The following ANKIB1 variants were observed in gnomAD, a reference collection of about 807,000 sequenced individuals.
ANKIB1 encodes the protein ankyrin repeat and IBR domain-containing protein 1.
Under a neutral mutation model 122.1 loss-of-function variants are expected in ANKIB1, and 43 were observed. That is an observed-to-expected ratio of 0.35 (90% confidence interval 0.28 to 0.45). The LOEUF is 0.45. Ranked by LOEUF, ANKIB1 falls within the 20% of genes least tolerant of loss-of-function variation. The pLI is 1.00. For synonymous variants in ANKIB1, 390 were observed against 442.0 expected (o/e 0.88, Z 1.48); for missense variants, 992 against 1,329.5 (o/e 0.75, Z 3.95).
In ANKIB1 at chr7:92,398,961, C is replaced by T; in HGVS notation, c.*12C>T. 6.5e-7 allele frequency: 1 copy of T among 1,533,262 alleles called. No individual in the cohort carries two copies. Among genetic ancestry groups the T allele is most frequent in the Non-Finnish European group, 8.8e-7 (1 of 1,140,788 alleles). 95.0% of individuals were successfully genotyped at this position (1,533,262 alleles called of 1,614,324 possible). A position where few individuals can be genotyped will look rare whatever the true frequency, so the allele number is the denominator to read the frequency against. ...TACATTTAGTGTGAACTGCACACAT[C>T]TGGGCTCTAAATGAATTACAGGTAC... On this transcript the variant is annotated 3_prime_UTR_variant, in exon 20 of 20. Coordinates refer to ENST00000265742, the MANE Select transcript of ANKIB1 (RefSeq NM_019004.2).
chr7:92,288,803 C>T (rs1469926204), intron 1 of ANKIB1, among the ~76,000 whole-genome samples: 3 of 151,712 alleles, frequency 2.0e-5, no homozygotes, highest in Non-Finnish European at 2.9e-5. Context: ...AAATGAAAAC[C>T]GTTGTACAAT....
chr7:92,269,542 G>C (rs1000387816), intron 1 of ANKIB1, among the ~76,000 whole-genome samples: 8 of 152,140 alleles, frequency 5.3e-5, no homozygotes, highest in Non-Finnish European at 1.0e-4. Flanking sequence ...TTTTAAGAAA[G>C]CTCTGTAAGG....
chr7:92,307,489 A>G lies in ANKIB1; in HGVS notation c.319A>G (p.Thr107Ala), dbSNP rs1158045086. Residue 107 changes from threonine to alanine, a missense_variant, in exon 3 of 20, where the codon ACA becomes GCA. Physicochemically the swap from Thr to Ala is moderately conservative, Grantham distance 58. Transcript: ENST00000265742. ...GALHPRLARP[T>A]EDDFRRADCL... ...CCTTCATCCTCGCTTGGCACGCCCC[A>G]CAGAAGATGATTTCAGAAGAGCAGA... The G allele has an allele frequency of 2.5e-6, 4 of 1,613,840 alleles. No homozygotes were observed. The highest frequency in any genetic ancestry group is 3.3e-5 in the Admixed American group (2 of 60,000).
At chr7:92,397,098 A>C (rs1037889408) in intron 18 of ANKIB1, among the ~76,000 whole-genome samples, 2 of 152,346 alleles carry the variant, frequency 1.3e-5, no homozygotes, top group African/African-American at 4.8e-5. Flanking sequence ...AAATCTAAAA[A>C]TGAAAAACGT....
rs193077864 is a variant in ANKIB1 at position 92,269,674 on chromosome 7, G to T, written c.-91+23155G>T. Reference sequence around the variant, plus strand: ...CTTGATTCATTGATACCTTCCAAGGGGTTAGCAGGCATCACCTAAAATATA... The same window carrying T: ...CTTGATTCATTGATACCTTCCAAGGTGTTAGCAGGCATCACCTAAAATATA... On this transcript the variant is annotated intron_variant, in intron 1 of 19. Transcript: ENST00000265742. Among the ~76,000 whole-genome samples, 846 of 152,090 alleles carry T rather than the reference G, an allele frequency of 5.6e-3. 7 individuals are homozygous for T. The highest frequency in any genetic ancestry group is 8.6e-3 in the Non-Finnish European group (587 of 67,980).
chr7:92,354,333 A>G (rs1013242130), intron 9 of ANKIB1, among the ~76,000 whole-genome samples: 6 of 152,194 alleles, frequency 3.9e-5, no homozygotes, highest in Non-Finnish European at 5.9e-5. Flanking sequence ...ATTGGAGACT[A>G]TATACCAAGA....
chr7:92,249,729 A>AG (rs1285425710), intron 1 of ANKIB1, among the ~76,000 whole-genome samples: 2 of 152,186 alleles, frequency 1.3e-5, no homozygotes, highest in African/African-American at 4.8e-5. Flanking sequence ...CAAAAAAAAA[A>AG]AAGAATAAGC....
chr7:92,396,611 A>G lies in ANKIB1; in HGVS notation c.2395+135A>G. Reference sequence around the variant, plus strand: ...AATATGCAGATGTTTCTGTTGTGACAGGACACAGAAAATCAGAGGAGTTAG... The same window carrying G: ...AATATGCAGATGTTTCTGTTGTGACGGGACACAGAAAATCAGAGGAGTTAG... On this transcript the variant is annotated intron_variant, in intron 18 of 19. Transcript: ENST00000265742. 8.3e-6 allele frequency: 5 copies of G among 601,288 alleles called. No homozygotes were observed. The South Asian group carries it at 1.0e-4, about 12-fold the overall frequency. 37.2% of individuals were successfully genotyped at this position (601,288 alleles called of 1,614,324 possible).
chr7:92,385,661 C>A (rs546166954), intron 11 of ANKIB1, among the ~76,000 whole-genome samples: 15 of 152,252 alleles, frequency 9.9e-5, no homozygotes, highest in African/African-American at 3.4e-4. Flanking sequence ...TGTTTTCACT[C>A]ATAGGTGGGA....
At chr7:92,384,065 A>C (rs867930708) in intron 11 of ANKIB1, among the ~76,000 whole-genome samples, 1 of 152,234 alleles carries the variant, frequency 6.6e-6, no homozygotes, top group Middle Eastern at 3.2e-3. Context: ...ATCAATGTGC[A>C]AAACTCACAA....
intron 17 of ANKIB1, among the ~76,000 whole-genome samples, chr7:92,395,058 A>G (rs373352143): frequency 6.6e-6 from 1 of 152,212 alleles, no homozygotes. Flanking sequence ...GAAAGACACC[A>G]TAATGATTCT....
chr7:92,351,686 A>C (rs1392785324), intron 8 of ANKIB1, among the ~76,000 whole-genome samples: 1 of 149,848 alleles, frequency 6.7e-6, no homozygotes, highest in Non-Finnish European at 1.5e-5. Flanking sequence ...CTAATATGTG[A>C]ACTTTTAAAA....
chr7:92,266,634 C>T (rs1391914974), intron 1 of ANKIB1, among the ~76,000 whole-genome samples: 1 of 152,134 alleles, frequency 6.6e-6, no homozygotes, highest in Admixed American at 6.5e-5. Context: ...ACTGGGGGCA[C>T]TGTGTACTGC....
chr7:92,373,132 A>C (rs1412108947), intron 11 of ANKIB1, among the ~76,000 whole-genome samples: 2 of 152,156 alleles, frequency 1.3e-5, no homozygotes, highest in African/African-American at 4.8e-5. Flanking sequence ...AGAAAAACCT[A>C]GGGCAGTGTT....
At chr7:92,369,415 C>CT (rs1007718325) in intron 10 of ANKIB1, among the ~76,000 whole-genome samples, 1 of 152,182 alleles carries the variant, frequency 6.6e-6, no homozygotes. Context: ...CTTGGGGTTC[C>CT]TTGCAGCAAG....
chr7:92,270,086 G>C (rs1360606961), intron 1 of ANKIB1, among the ~76,000 whole-genome samples: 1 of 151,718 alleles, frequency 6.6e-6, no homozygotes, highest in Non-Finnish European at 1.5e-5. Context: ...TTTGGAGATA[G>C]GGTCTCACTG....
intron 2 of ANKIB1, among the ~76,000 whole-genome samples, chr7:92,296,690 TTAA>T (rs769751899): frequency 6.6e-6 from 1 of 152,148 alleles, no homozygotes; most frequent in Non-Finnish European, 1.5e-5. Flanking sequence ...CCTACCTATA[TTAA>T]TAACTTTTTT....
chr7:92,312,890 T>C (rs1320651904), intron 3 of ANKIB1, among the ~76,000 whole-genome samples: 5 of 152,134 alleles, frequency 3.3e-5, no homozygotes, highest in African/African-American at 1.2e-4. Context: ...CTGAGAGTTT[T>C]TGTTTTCTAC....
Position 92,311,724 on chromosome 7 carries a change from C to CCACA in ANKIB1, c.486+4081_486+4084dup, listed in dbSNP as rs3042461. ...TTATGTTCTGTAATAAGCGCCCCCCCCACACACACACACACAGAACATAAA... is the reference window on the plus strand; with the variant it reads ...TTATGTTCTGTAATAAGCGCCCCCCCCACACACACACACACACACAGAACATAAA... On this transcript the variant is annotated intron_variant, in intron 3 of 19. Transcript: ENST00000265742. Among the ~76,000 whole-genome samples, 616 of 150,096 alleles carry CCACA rather than the reference C, an allele frequency of 4.1e-3. 2 individuals are homozygous for CCACA. Among genetic ancestry groups the CCACA allele is most frequent in the Non-Finnish European group, 6.4e-3 (430 of 67,358 alleles).
Sources: allele counts gnomAD v4.1 joint callset (sites outside exome capture counted in the v4.1 genomes callset), GRCh38; gene constraint gnomAD v4.1.1; transcripts MANE v1.5; gene names NCBI Gene and HGNC (gene_info 2026-07-23, HGNC 2026-07-21).